The following CIT variants were observed in gnomAD, a reference collection of about 807,000 sequenced individuals.
CIT encodes citron Rho-interacting kinase.
A neutral mutation model predicts 272.7 loss-of-function variants in CIT; 79 were observed. That is an observed-to-expected ratio of 0.29 (90% CI 0.24 to 0.35). CIT has a LOEUF of 0.35. Ranked by LOEUF, CIT falls within the 10% of genes least tolerant of loss-of-function variation. CIT has a pLI of 1.00. For missense variants in CIT, 1,909 were observed against 2,618.3 expected (o/e 0.73, Z 5.91); for synonymous variants, 948 against 995.6 (o/e 0.95, Z 0.90).
In CIT at chr12:119,768,908, C is replaced by G. The variant is rs537854926; in HGVS notation, c.2209-1726G>C. Reference sequence around the variant, plus strand: ...TAATGGTACTAAGGACCACTCTTTGCCCACCTCCTAGATACTTTGCAGCCT... The same window carrying G: ...TAATGGTACTAAGGACCACTCTTTGGCCACCTCCTAGATACTTTGCAGCCT... On this transcript the variant is annotated intron_variant, in intron 18 of 47. Coordinates refer to ENST00000392521, the MANE Select transcript of CIT (RefSeq NM_001206999.2). The surrounding 1 kb of genome is among the most constrained non-coding windows in gnomAD (Gnocchi z 4.3). 6.6e-6 allele frequency among the ~76,000 whole-genome samples: 1 copy of G among 152,248 alleles called. No individual in the cohort carries two copies. The highest frequency in any genetic ancestry group is 2.1e-4 in the South Asian group (1 of 4,822).
At chr12:119,702,108 CTTT>C (rs113607985) in intron 41 of CIT, 150 bp from the exon 42 acceptor site, 125 of 549,320 alleles carry the variant, frequency 2.3e-4, no homozygotes, top group Non-Finnish European at 2.8e-4. Context: ...AGCCATTCAT[CTTT>C]TTTTTTTTTT....
At chr12:119,793,828 G>A (rs553708673) in intron 10 of CIT, among the ~76,000 whole-genome samples, 1 of 152,318 alleles carries the variant, frequency 6.6e-6, no homozygotes, top group South Asian at 2.1e-4. Context: ...CACATAGTAG[G>A]CTCTCAAATA....
chr12:119,815,882 G>A (rs1211634301), intron 9 of CIT, among the ~76,000 whole-genome samples: 2 of 152,086 alleles, frequency 1.3e-5, no homozygotes, highest in African/African-American at 2.4e-5. Flanking sequence ...GGCATTTTTC[G>A]CCGTATAACC....
At chr12:119,843,748 T>C (rs1487172898) in intron 5 of CIT, among the ~76,000 whole-genome samples, 1 of 151,868 alleles carries the variant, frequency 6.6e-6, no homozygotes, top group African/African-American at 2.4e-5. Context: ...AGGCAGAGGT[T>C]GCAGTGAGCC....
In CIT at chr12:119,804,451, T is replaced by C. The variant is rs1169882843; in HGVS notation, c.1112-1062A>G. 2 of 985,848 alleles carry C rather than the reference T, an allele frequency of 2.0e-6. No homozygotes were observed. Among genetic ancestry groups the C allele is most frequent in the Non-Finnish European group, 2.4e-6 (2 of 830,358 alleles). 61.1% of individuals were successfully genotyped at this position (985,848 alleles called of 1,614,324 possible). ...TGCGTGCTCTGGCTGGAACCCCACCTGGCTGCCGCCTGCCTGCCAGGGGCC... is the reference window on the plus strand; with the variant it reads ...TGCGTGCTCTGGCTGGAACCCCACCCGGCTGCCGCCTGCCTGCCAGGGGCC... On this transcript the variant is annotated intron_variant, in intron 9 of 47. Coordinates refer to ENST00000392521, the MANE Select transcript of CIT (RefSeq NM_001206999.2). This position sits in a 1 kb window ranked among gnomAD's most constrained non-coding sequence, Gnocchi z 5.3.
rs770371286 is a variant in CIT at position 119,688,220 on chromosome 12, T to C, written c.*12A>G. 7.4e-6 allele frequency: 12 copies of C among 1,613,416 alleles called. No homozygotes were observed. In the Admixed American group the frequency reaches 2.0e-4, roughly 27 times the overall value. ...CAGATCAAGATGAGGAGTTGGTTTT[T>C]CTGGCTGAGATTTATACTGAAGACT... On this transcript the variant is annotated 3_prime_UTR_variant, in exon 48 of 48. Transcript: ENST00000392521.
intron 28 of CIT, among the ~76,000 whole-genome samples, chr12:119,722,075 C>T (rs1267739727): frequency 6.6e-6 from 1 of 152,104 alleles, no homozygotes; most frequent in Non-Finnish European, 1.5e-5. Flanking sequence ...AAAAGAAATT[C>T]AATTAAGTAT....
rs369322606 is a variant in CIT, at chr12:119,857,576, C to T, written c.361G>A (p.Asp121Asn). Reference sequence around the variant, plus strand: ...TTCATCACTTTCATAGCATAGATGTCCCCGGTTGCTTTCTCTCTTACCACC... The same window carrying T: ...TTCATCACTTTCATAGCATAGATGTTCCCGGTTGCTTTCTCTCTTACCACC... ...VQVVREKATG[D>N]IYAMKVMKKK... Residue 121 changes from aspartate to asparagine, a missense_variant, in exon 4 of 48, where the codon GAC (aspartate) becomes AAC (asparagine). Asp to Asn is a conservative substitution (Grantham distance 23). Coordinates refer to ENST00000392521, the MANE Select transcript of CIT (RefSeq NM_001206999.2). 1 of 1,614,166 alleles carries T rather than the reference C, an allele frequency of 6.2e-7. No individual in the cohort carries two copies. Among genetic ancestry groups the T allele is most frequent in the Non-Finnish European group, 8.5e-7 (1 of 1,180,024 alleles).
chr12:119,709,470 T>TA (rs1957043194), intron 39 of CIT, among the ~76,000 whole-genome samples: 1 of 151,810 alleles, frequency 6.6e-6, no homozygotes, highest in Non-Finnish European at 1.5e-5. Flanking sequence ...AAGAATAAAA[T>TA]AAGGAAGAGA....
intron 5 of CIT, 81 bp downstream of exon 5, chr12:119,850,093 A>G (rs557874986): frequency 1.1e-6 from 1 of 908,142 alleles, no homozygotes; most frequent in South Asian, 1.3e-5. Context: ...CACATGGGCA[A>G]GAACAACATT....
intron 10 of CIT, among the ~76,000 whole-genome samples, chr12:119,792,497 G>T (rs555112114): frequency 6.6e-6 from 1 of 152,092 alleles, no homozygotes; most frequent in Non-Finnish European, 1.5e-5. Context: ...TAGAGATGGA[G>T]TCTTGTTCTG....
At chr12:119,689,826 A>C (rs375030513) in intron 47 of CIT, among the ~76,000 whole-genome samples, 14 of 151,674 alleles carry the variant, frequency 9.2e-5, no homozygotes, top group South Asian at 2.1e-4. Context: ...TACAGGCACC[A>C]GCCACCACAC....
chr12:119,773,011 A>T (rs1302964525), intron 16 of CIT, 101 bp from the exon 17 acceptor site: 2 of 911,526 alleles, frequency 2.2e-6, no homozygotes, highest in African/African-American at 1.9e-5. Flanking sequence ...TTAAAGTATA[A>T]TCTAAAAAAA....
Position 119,785,085 on chromosome 12 carries a change from C to T in CIT, c.1296-20G>A, listed in dbSNP as rs756823686. 36 of 1,612,306 alleles carry T rather than the reference C, an allele frequency of 2.2e-5. No individual in the cohort carries two copies. Among genetic ancestry groups the T allele is most frequent in the Non-Finnish European group, 2.8e-5 (33 of 1,179,452 alleles). ...ACAGACCTAGGTAGAGAAAAACCAA[C>T]GTCAAGGGGGCCTGCAGGTGGGCCT... is the stretch of plus-strand genomic sequence containing the variant. On this transcript the variant is annotated intron_variant, in intron 10 of 47. Coordinates refer to ENST00000392521, the MANE Select transcript of CIT (RefSeq NM_001206999.2).
intron 2 of CIT, among the ~76,000 whole-genome samples, chr12:119,875,643 T>G (rs1285906373): frequency 6.6e-6 from 1 of 152,040 alleles, no homozygotes; most frequent in Non-Finnish European, 1.5e-5. Context: ...AGACCTTGTT[T>G]CAAACAAAAC....
At chr12:119,826,756 ATGGTAAGTGAAAC>A (rs1968198581) in intron 7 of CIT, among the ~76,000 whole-genome samples, 1 of 152,212 alleles carries the variant, frequency 6.6e-6, no homozygotes. Flanking sequence ...TCATTAAACG[ATGGTAAGTGAAAC>A]TGAGTGAGCC....
In CIT at chr12:119,728,511, A is replaced by G. The variant is rs766749751; in HGVS notation, c.3582T>C (p.Leu1194=). The G allele has an allele frequency of 6.2e-7, 1 of 1,608,104 alleles. No homozygotes were observed. Among genetic ancestry groups the G allele is most frequent in the Non-Finnish European group, 8.5e-7 (1 of 1,177,212 alleles). The change falls in exon 28 of 48, where the codon CTT becomes CTC. Residue 1194 remains leucine (L), a synonymous_variant. Transcript: ENST00000392521. The surrounding 1 kb of genome is among the most constrained non-coding windows in gnomAD (Gnocchi z 4.3). The stretch of plus-strand genomic sequence containing the variant: ...GGTATTTCACACTCACCTCTTCCAG[A>G]AGCCTCTGTTTGAGCTCTCGTTCAG... ...LETERELKQR[L]LEEQAKLQQQ...
At chr12:119,832,654 AC>A in intron 7 of CIT, 116 bp downstream of exon 7, 1 of 810,466 alleles carries the variant, frequency 1.2e-6, no homozygotes, top group Non-Finnish European at 2.0e-6. Context: ...ACCCCCATAC[AC>A]TGCCAAAGGC....
intron 39 of CIT, among the ~76,000 whole-genome samples, chr12:119,709,461 A>T (rs1957042489): frequency 6.6e-6 from 1 of 152,174 alleles, no homozygotes; most frequent in Non-Finnish European, 1.5e-5. Context: ...ACTGCTCTAA[A>T]GAATAAAATA....
Sources: allele counts gnomAD v4.1 joint callset (sites outside exome capture counted in the v4.1 genomes callset), GRCh38; gene constraint gnomAD v4.1.1; non-coding constraint Gnocchi (gnomAD v3.1); transcripts MANE v1.5; gene names NCBI Gene and HGNC (gene_info 2026-07-23, HGNC 2026-07-21).